TAF15: variants seen among roughly 807,000 people sequenced by gnomAD.
TAF15 encodes the protein TATA-box binding protein associated factor 15.
A neutral mutation model predicts 102.5 loss-of-function variants in TAF15; 37 were observed. The observed-to-expected ratio is 0.36, with a 90% CI of 0.28 to 0.47. TAF15 has a LOEUF of 0.47. Among genes scored for constraint, TAF15 ranks in the 20% least tolerant of loss-of-function variants. The pLI, the probability that TAF15 is intolerant of heterozygous loss-of-function variation, is 0.99. For missense variants in TAF15, 652 were observed against 760.7 expected, an observed-to-expected ratio of 0.86 and a Z score of 1.68; for synonymous variants, 273 against 259.2, an observed-to-expected ratio of 1.05 and a Z score of -0.51.
chr17:35,824,753 T>G (rs965851627), intron 7 of TAF15, among the ~76,000 whole-genome samples: 2 of 152,214 alleles, frequency 1.3e-5, no homozygotes, highest in Non-Finnish European at 2.9e-5. Flanking sequence ...CATAGTAATG[T>G]GTATTTTGTC....
intron 7 of TAF15, 140 bp downstream of exon 7, chr17:35,824,338 C>A: frequency 8.6e-7 from 1 of 1,159,384 alleles, no homozygotes; most frequent in South Asian, 1.6e-5. Flanking sequence ...GAGAAAAAGG[C>A]AGAAATTAAA....
At chr17:35,835,530 T>G (rs1387822712) in intron 9 of TAF15, among the ~76,000 whole-genome samples, 2 of 152,252 alleles carry the variant, frequency 1.3e-5, no homozygotes, top group Non-Finnish European at 2.9e-5. Flanking sequence ...GTATTCTATG[T>G]GGATGGCAAT....
chr17:35,839,576 G>T (rs2087518553), intron 11 of TAF15, among the ~76,000 whole-genome samples: 1 of 151,780 alleles, frequency 6.6e-6, no homozygotes, highest in African/African-American at 2.4e-5. Flanking sequence ...TAGAGACAGG[G>T]TTTCACCATG....
chr17:35,813,954 A>T (rs568295800), intron 1 of TAF15, among the ~76,000 whole-genome samples: 3 of 152,202 alleles, frequency 2.0e-5, no homozygotes, highest in African/African-American at 7.2e-5. Context: ...TTAGAGAGAA[A>T]GTAACCATTG....
In TAF15 at chr17:35,809,557, G is replaced by A. The variant is rs756805611; in HGVS notation, c.-13G>A. On this transcript the variant is annotated 5_prime_UTR_variant, in exon 1 of 16. Coordinates refer to ENST00000605844, the MANE Select transcript of TAF15 (RefSeq NM_139215.3). ...CGGCGGGCTGTGGGGCCTCCGCGCC[G>A]CGGCCGTTAGTCATGTCGGGTAGGT... The A allele has an allele frequency of 3.1e-6, 5 of 1,613,144 alleles. No individual in the cohort carries two copies. In the Admixed American group the frequency reaches 5.0e-5, roughly 16 times the overall value.
At chr17:35,824,546 A>G (rs192630039) in intron 7 of TAF15, among the ~76,000 whole-genome samples, 1 of 152,332 alleles carries the variant, frequency 6.6e-6, no homozygotes, top group African/African-American at 2.4e-5. Flanking sequence ...GTATGTAAAA[A>G]TAAAAGGTAA....
intron 2 of TAF15, 125 bp downstream of exon 2, chr17:35,817,880 A>G (rs992984654): frequency 3.5e-6 from 3 of 853,568 alleles, no homozygotes; most frequent in Non-Finnish European, 5.9e-6. Context: ...CAGAGTGAAG[A>G]GAGTCAGTGT....
chr17:35,819,841 A>G (rs148349270), intron 2 of TAF15, among the ~76,000 whole-genome samples, 183 bp from the exon 3 acceptor site: 102 of 152,262 alleles, frequency 6.7e-4, no homozygotes, highest in Non-Finnish European at 1.2e-3. Context: ...GAGTGACTTC[A>G]TGTATTTCTT....
chr17:35,843,169 G>GC (rs2087567780), intron 12 of TAF15, among the ~76,000 whole-genome samples: 1 of 151,474 alleles, frequency 6.6e-6, no homozygotes, highest in Admixed American at 6.6e-5. Flanking sequence ...TGTTGCCCAG[G>GC]CTGGAGTACA....
intron 1 of TAF15, among the ~76,000 whole-genome samples, chr17:35,813,467 TC>T (rs2087151790): frequency 6.6e-6 from 1 of 152,062 alleles, no homozygotes; most frequent in Non-Finnish European, 1.5e-5. Flanking sequence ...AACTCCCATC[TC>T]TACAAAATAC....
In TAF15 at chr17:35,844,149, G is replaced by A; in HGVS notation, c.1079G>A (p.Cys360Tyr). The change falls in exon 13 of 16, where the codon TGC (cysteine) becomes TAC (tyrosine). Residue 360 changes from cysteine to tyrosine, a missense_variant. By Grantham distance (194) the Cys-to-Tyr change is radical (BLOSUM62 -2). Coordinates refer to ENST00000605844, the MANE Select transcript of TAF15 (RefSeq NM_139215.3). ...GGDPKSGDWVCPNPSCGNMNF... is the reference protein window; with the variant it reads ...GGDPKSGDWVYPNPSCGNMNF... ...GACCCCAAAAGTGGGGATTGGGTTT[G>A]CCCTAATCCGTAAGTGTCTTGTTTA... The A allele has an allele frequency of 6.2e-7, 1 of 1,614,202 alleles. No homozygotes were observed.
intron 15 of TAF15, among the ~76,000 whole-genome samples, 198 bp from the exon 16 acceptor site, chr17:35,846,708 C>T (rs1006283817): frequency 6.6e-6 from 1 of 152,150 alleles, no homozygotes; most frequent in Non-Finnish European, 1.5e-5. Context: ...AAAGCTTCTT[C>T]TAGGAACTTT....
At chr17:35,811,976 C>G (rs761168361) in intron 1 of TAF15, among the ~76,000 whole-genome samples, 2 of 152,230 alleles carry the variant, frequency 1.3e-5, no homozygotes, top group Non-Finnish European at 2.9e-5. Flanking sequence ...AAAGAGCTAA[C>G]TTGCCAGCTA....
Position 35,817,745 on chromosome 17 carries a change from G to A in TAF15, c.37G>A (p.Glu13Lys). Residue 13 changes from glutamate to lysine, a missense_variant, in exon 2 of 16, where the codon GAG becomes AAG. Physicochemically the swap from Glu to Lys is moderately conservative, Grantham distance 56. Around this residue, in one of 3 missense-constraint regions of TAF15, gnomAD observed 243 missense variants for 284.1 expected, o/e 0.86. Transcript: ENST00000605844. ...DSGSYGQSGG[E>K]QQSYSTYGNP... Reference sequence around the variant, plus strand: ...TGGAAGTTACGGTCAGTCTGGGGGTGAGCAGCAAAGGTAAAGTATACATAC... The same window carrying A: ...TGGAAGTTACGGTCAGTCTGGGGGTAAGCAGCAAAGGTAAAGTATACATAC... 1 of 1,613,512 alleles carries A rather than the reference G, an allele frequency of 6.2e-7. No homozygotes were observed. Among genetic ancestry groups the A allele is most frequent in the Non-Finnish European group, 8.5e-7 (1 of 1,179,490 alleles).
At chr17:35,823,803 A>G in intron 6 of TAF15, 2 of 507,302 alleles carry the variant, frequency 3.9e-6, no homozygotes, top group Admixed American at 6.4e-5. Flanking sequence ...ATACTGTTCC[A>G]CATTACTGTT....
chr17:35,822,864 T>C (rs2087280327), intron 6 of TAF15, 31 bp downstream of exon 6: 1 of 1,609,776 alleles, frequency 6.2e-7, no homozygotes, highest in Admixed American at 1.7e-5. Context: ...TTATTATTTT[T>C]CCCCCTCTCA....
At chr17:35,821,911 A>G (rs887819818) in intron 5 of TAF15, among the ~76,000 whole-genome samples, 2 of 152,228 alleles carry the variant, frequency 1.3e-5, no homozygotes, top group African/African-American at 4.8e-5. Context: ...ATATTTTAAG[A>G]GAAGACACTT....
chr17:35,844,501 G>C lies in TAF15; in HGVS notation c.1202G>C (p.Gly401Ala). ...GATTTCCGGGGGAGAGGCTACGGTG[G>C]AGAGAGGGGCTACAGAGGTCGTGGG... ...GGDFRGRGYG[G>A]ERGYRGRGGR... The change falls in exon 15 of 16, where the codon GGA becomes GCA. Residue 401 changes from glycine (G) to alanine (A), a missense_variant. Coordinates refer to ENST00000605844, the MANE Select transcript of TAF15 (RefSeq NM_139215.3). The C allele has an allele frequency of 6.2e-7, 1 of 1,613,372 alleles. No homozygotes were observed. The highest frequency in any genetic ancestry group is 8.5e-7 in the Non-Finnish European group (1 of 1,179,552).
In TAF15 at chr17:35,838,634, CAG is replaced by C. The variant is rs1479279647; in HGVS notation, c.913+82_913+83del. 1.9e-6 allele frequency: 3 copies of C among 1,595,092 alleles called. No homozygotes were observed. The African/African-American group carries it at 4.0e-5, about 21-fold the overall frequency. ...GAAAGTGAGAATATGCTCTGGGTGA[CAG>C]TGATTATATTCATGTTTACTTTTGC... On this transcript the variant is annotated intron_variant, in intron 11 of 15. Coordinates refer to ENST00000605844, the MANE Select transcript of TAF15 (RefSeq NM_139215.3).
Sources: allele counts gnomAD v4.1 joint callset (sites outside exome capture counted in the v4.1 genomes callset), GRCh38; gene constraint gnomAD v4.1.1; regional missense constraint gnomAD v4.1.1; transcripts MANE v1.5; gene names NCBI Gene and HGNC (gene_info 2026-07-23, HGNC 2026-07-21).